Variants in CDH2 observed in about 807,000 individuals in gnomAD.
CDH2 encodes cadherin-2.
In CDH2, 17 loss-of-function variants were observed where a neutral mutation model predicts 92.0. The ratio of observed to expected loss-of-function variants is 0.18; its 90% CI spans 0.13 to 0.28. The LOEUF (loss-of-function observed/expected upper bound fraction) is 0.28, where lower values mean the gene tolerates loss of function less well. Ranked by LOEUF, CDH2 falls within the 10% of genes least tolerant of loss-of-function variation. CDH2 has a pLI of 1.00. For synonymous variants in CDH2, 419 were observed against 415.9 expected (o/e 1.01, Z -0.09); for missense variants, 862 against 1,133.1 (o/e 0.76, Z 3.44).
chr18:27,953,500 A>C (rs1598983481), intron 15 of CDH2, among the ~76,000 whole-genome samples: 1 of 152,012 alleles, frequency 6.6e-6, no homozygotes, highest in Non-Finnish European at 1.5e-5. Context: ...GGCCTCACCT[A>C]TCTAAGATGT....
chr18:28,032,362 G>A (rs143415542), intron 2 of CDH2, among the ~76,000 whole-genome samples: 3 of 152,160 alleles, frequency 2.0e-5, no homozygotes, highest in East Asian at 1.9e-4. Flanking sequence ...CTGCTTCAAC[G>A]AGAATGTGTG....
intron 1 of CDH2, among the ~76,000 whole-genome samples, chr18:28,161,728 T>A (rs1485945067): frequency 1.3e-5 from 2 of 151,974 alleles, no homozygotes; most frequent in Non-Finnish European, 2.9e-5. Flanking sequence ...ACTAAGAACA[T>A]GAGCTCAACA....
intron 2 of CDH2, among the ~76,000 whole-genome samples, chr18:28,018,488 A>G (rs2013316733): frequency 6.6e-6 from 1 of 152,024 alleles, no homozygotes; most frequent in Non-Finnish European, 1.5e-5. Context: ...TTGACCTCAA[A>G]CTATACTATA....
intron 3 of CDH2, 108 bp from the exon 4 acceptor site, chr18:28,012,100 AC>A: frequency 3.2e-6 from 3 of 931,328 alleles, no homozygotes; most frequent in Non-Finnish European, 4.7e-6. Flanking sequence ...TTTATTATGA[AC>A]AAAAAATAAG....
intron 2 of CDH2, among the ~76,000 whole-genome samples, chr18:28,135,829 A>G (rs2015853029): frequency 6.6e-6 from 1 of 152,188 alleles, no homozygotes. Context: ...TTATTTTTTA[A>G]GCCTTGAAAA....
At chr18:28,123,292 A>G (rs2015622444) in intron 2 of CDH2, among the ~76,000 whole-genome samples, 1 of 152,162 alleles carries the variant, frequency 6.6e-6, no homozygotes, top group Admixed American at 6.6e-5. Flanking sequence ...ATAAGAGTTG[A>G]CAGATCACCT....
chr18:28,045,802 C>T (rs188957787), intron 2 of CDH2, among the ~76,000 whole-genome samples: 53 of 152,246 alleles, frequency 3.5e-4, no homozygotes, highest in Non-Finnish European at 5.6e-4. Flanking sequence ...CAGCTCAGAG[C>T]CCGGCACAAA....
At chr18:27,944,466 G>A (rs1369704677) in intron 6 of CDH2, among the ~76,000 whole-genome samples, 1 of 152,086 alleles carries the variant, frequency 6.6e-6, no homozygotes, top group Non-Finnish European at 1.5e-5. Context: ...TTTAAAACCT[G>A]ATTAAATGAA....
At chr18:27,936,967 CT>C (rs1225158483) in intron 6 of CDH2, among the ~76,000 whole-genome samples, 1 of 152,166 alleles carries the variant, frequency 6.6e-6, no homozygotes, top group East Asian at 1.9e-4. Flanking sequence ...CAAAAGGAAA[CT>C]TTAGTAATGC....
chr18:27,986,879 A>G (rs571885708), intron 11 of CDH2, among the ~76,000 whole-genome samples: 6 of 152,352 alleles, frequency 3.9e-5, no homozygotes, highest in African/African-American at 1.4e-4. Context: ...CTATACTTTT[A>G]TAACAACTAT....
rs138911266 is a variant in CDH2 at position 28,027,368 on chromosome 18, T to C, written c.173-13459A>G. ...GTATTGATATTTCCCTACCAAAAAGTTTTTATTATAATGTTCCCCAAAATA... is the reference window on the plus strand; with the variant it reads ...GTATTGATATTTCCCTACCAAAAAGCTTTTATTATAATGTTCCCCAAAATA... On this transcript the variant is annotated intron_variant, in intron 2 of 15. Coordinates refer to ENST00000269141, the MANE Select transcript of CDH2 (RefSeq NM_001792.5). 2.0e-3 allele frequency among the ~76,000 whole-genome samples: 297 copies of C among 152,246 alleles called. 1 individual carries two copies. Among genetic ancestry groups the C allele is most frequent in the African/African-American group, 7.0e-3 (290 of 41,562 alleles).
At chr18:28,141,890 CCCTTGAACCATCACCAACAT>C (rs566866504) in intron 2 of CDH2, among the ~76,000 whole-genome samples, 5 of 151,954 alleles carry the variant, frequency 3.3e-5, no homozygotes, top group South Asian at 2.1e-4. Context: ...ATATGTAAGG[CCCTTGAACCATCACCAACAT>C]CCTTGAACCA....
intron 2 of CDH2, among the ~76,000 whole-genome samples, chr18:28,107,787 TA>T (rs1244068947): frequency 4.0e-5 from 6 of 151,042 alleles, no homozygotes; most frequent in East Asian, 1.9e-4. Context: ...ATTAGCCATT[TA>T]AAAAAAAAGG....
At chr18:27,995,592 T>C (rs2012557208) in intron 7 of CDH2, among the ~76,000 whole-genome samples, 1 of 152,190 alleles carries the variant, frequency 6.6e-6, no homozygotes, top group Non-Finnish European at 1.5e-5. Context: ...TTAACTCACA[T>C]AGGTATTACA....
chr18:27,966,575 G>A (rs2011539208), intron 14 of CDH2, among the ~76,000 whole-genome samples: 1 of 152,120 alleles, frequency 6.6e-6, no homozygotes, highest in African/African-American at 2.4e-5. Flanking sequence ...TTAGACATAG[G>A]TGTATCTCAC....
At chr18:28,036,842 G>A (rs986023336) in intron 2 of CDH2, among the ~76,000 whole-genome samples, 3 of 152,066 alleles carry the variant, frequency 2.0e-5, no homozygotes, top group Admixed American at 1.3e-4. Context: ...AAAATACAAC[G>A]TAAGAATAAA....
rs1172779200 is a variant in CDH2, at chr18:28,007,165, A to AAAAAATATAT, written c.703-1173_703-1172insATATATTTTT. Among the ~76,000 whole-genome samples the AAAAAATATAT allele has an allele frequency of 1.7e-4, 19 of 110,462 alleles. No homozygotes were observed. The East Asian group carries it at 2.1e-3, about 12-fold the overall frequency. 72.5% of individuals were successfully genotyped at this position (110,462 alleles called of 152,430 possible). A position where few individuals can be genotyped will look rare whatever the true frequency, so the allele number is the denominator to read the frequency against. Reference sequence around the variant, plus strand: ...ACAGAGTGAGACTCCATAAAAAAAAAATATATATATATATATATATATATA... The same window carrying AAAAAATATAT: ...ACAGAGTGAGACTCCATAAAAAAAAAAAAAATATATATATATATATATATATATATATATA... On this transcript the variant is annotated intron_variant, in intron 5 of 15. Coordinates refer to ENST00000269141, the MANE Select transcript of CDH2 (RefSeq NM_001792.5).
intron 2 of CDH2, among the ~76,000 whole-genome samples, chr18:28,080,800 G>A (rs867564988): frequency 6.6e-6 from 1 of 152,130 alleles, no homozygotes; most frequent in Non-Finnish European, 1.5e-5. Context: ...TCTTGTGAAC[G>A]GCTTGTAATA....
At chr18:28,113,854 T>C (rs1031394263) in intron 2 of CDH2, among the ~76,000 whole-genome samples, 2 of 152,166 alleles carry the variant, frequency 1.3e-5, no homozygotes, top group African/African-American at 4.8e-5. Flanking sequence ...CTGAGTAATT[T>C]ATACAAACTC....
Sources: gnomAD v4.1 joint callset for allele counts (sites outside exome capture counted in the v4.1 genomes callset) on GRCh38, gnomAD v4.1.1 for gene constraint, MANE v1.5 for transcripts, NCBI Gene and HGNC (gene_info 2026-07-23, HGNC 2026-07-21) for gene names.